The following STPG2 variants were observed in gnomAD, a reference collection of about 807,000 sequenced individuals.
The protein encoded by STPG2 is sperm tail PG-rich repeat containing 2.
Under a neutral mutation model 54.2 loss-of-function variants are expected in STPG2, and 56 were observed. The observed-to-expected ratio is 1.03, with a 90% CI of 0.83 to 1.29. The LOEUF (loss-of-function observed/expected upper bound fraction) is 1.29. STPG2 is among the 50% of genes most tolerant of loss of function. STPG2 has a pLI of 0.00. For missense variants in STPG2, 596 were observed against 544.9 expected, an observed-to-expected ratio of 1.09 and a Z score of -0.93; for synonymous variants, 200 against 181.8, an observed-to-expected ratio of 1.10 and a Z score of -0.81.
rs140265019 is a variant in STPG2, at chr4:97,746,756, G to A, written c.1205-33942C>T. 3.5e-3 allele frequency among the ~76,000 whole-genome samples: 534 copies of A among 151,344 alleles called. 4 individuals carry two copies. Among genetic ancestry groups the A allele is most frequent in the African/African-American group, 0.013 (524 of 41,474 alleles). On this transcript the variant is annotated intron_variant, in intron 9 of 10. Transcript: ENST00000295268. ...CTTTTCTTTACCTAAATATGGCAAA[G>A]GGAACAGCAGATTCAGCTCTCTGTG...
At chr4:97,566,254 A>T (rs1732437402) in intron 10 of STPG2, among the ~76,000 whole-genome samples, 1 of 152,116 alleles carries the variant, frequency 6.6e-6, no homozygotes, top group Non-Finnish European at 1.5e-5. Flanking sequence ...TGCGGGATAT[A>T]ATCTCCTGGT....
At chr4:97,551,919 C>G (rs1002789129) in intron 4 of STPG2, among the ~76,000 whole-genome samples, 3 of 151,946 alleles carry the variant, frequency 2.0e-5, no homozygotes, top group African/African-American at 7.3e-5. Flanking sequence ...ACACATAATG[C>G]AAAATTCAAT....
At chr4:97,891,632 A>G (rs2149175479) in intron 8 of STPG2, among the ~76,000 whole-genome samples, 1 of 152,236 alleles carries the variant, frequency 6.6e-6, no homozygotes. Flanking sequence ...CTGAAAGCCA[A>G]AAATATATCT....
At chr4:97,583,188 C>T (rs933001742) in intron 10 of STPG2, among the ~76,000 whole-genome samples, 1 of 151,922 alleles carries the variant, frequency 6.6e-6, no homozygotes, top group African/African-American at 2.4e-5. Flanking sequence ...AGATAAGTGT[C>T]CAGAACACTA....
At chr4:97,887,728 C>A (rs543504214) in intron 8 of STPG2, among the ~76,000 whole-genome samples, 1 of 152,048 alleles carries the variant, frequency 6.6e-6, no homozygotes, top group Non-Finnish European at 1.5e-5. Flanking sequence ...TTTGCATAAC[C>A]GAAAAGGATC....
intron 10 of STPG2, among the ~76,000 whole-genome samples, chr4:97,664,957 G>C (rs1468042371): frequency 6.6e-6 from 1 of 152,094 alleles, no homozygotes; most frequent in Admixed American, 6.5e-5. Flanking sequence ...AGGGAGGCTG[G>C]CTGCGGCAGG....
At chr4:97,754,042 A>G (rs2149047541) in intron 9 of STPG2, among the ~76,000 whole-genome samples, 1 of 152,202 alleles carries the variant, frequency 6.6e-6, no homozygotes. Context: ...AATCACTGCC[A>G]ATGCAATCAA....
chr4:98,029,936 A>G (rs945815885), intron 5 of STPG2, among the ~76,000 whole-genome samples: 2 of 152,132 alleles, frequency 1.3e-5, no homozygotes, highest in African/African-American at 4.8e-5. Flanking sequence ...AGAAAGACCT[A>G]CCAAGAGTTG....
At chr4:97,858,396 T>C (rs1210974175) in intron 8 of STPG2, among the ~76,000 whole-genome samples, 1 of 152,146 alleles carries the variant, frequency 6.6e-6, no homozygotes, top group Non-Finnish European at 1.5e-5. Flanking sequence ...TAGCATGACA[T>C]ATTATTATTT....
At chr4:97,707,217 G>T (rs780718985) in intron 10 of STPG2, among the ~76,000 whole-genome samples, 12 of 152,048 alleles carry the variant, frequency 7.9e-5, no homozygotes, top group Admixed American at 2.0e-4. Flanking sequence ...ATGTCTGAAG[G>T]CATTAACTAA....
intron 5 of STPG2, among the ~76,000 whole-genome samples, chr4:97,986,371 T>C (rs2149266360): frequency 6.6e-6 from 1 of 152,298 alleles, no homozygotes; most frequent in Non-Finnish European, 1.5e-5. Flanking sequence ...TTAGATACCT[T>C]CAGTTCCTCT....
chr4:97,581,985 T>C (rs1171535803), intron 10 of STPG2, among the ~76,000 whole-genome samples: 2 of 152,000 alleles, frequency 1.3e-5, no homozygotes, highest in Non-Finnish European at 2.9e-5. Context: ...CTGTTCCGAG[T>C]TTATAATTAT....
chr4:97,838,955 G>A (rs757740131), intron 9 of STPG2, among the ~76,000 whole-genome samples: 10 of 151,412 alleles, frequency 6.6e-5, no homozygotes, highest in Non-Finnish European at 1.3e-4. Context: ...CAAACTTCAT[G>A]AATTACTGGT....
intron 4 of STPG2, among the ~76,000 whole-genome samples, chr4:97,518,019 G>A (rs560013416): frequency 6.6e-6 from 1 of 152,204 alleles, no homozygotes; most frequent in East Asian, 1.9e-4. Flanking sequence ...CAAGGAGAAA[G>A]TTTTATAGCT....
intron 5 of STPG2, among the ~76,000 whole-genome samples, chr4:98,027,698 T>C (rs547129401): frequency 1.3e-5 from 2 of 152,200 alleles, no homozygotes; most frequent in Non-Finnish European, 2.9e-5. Flanking sequence ...GAAAACTCCA[T>C]TGAGTTTCAA....
chr4:97,779,001 C>A (rs962932664), intron 9 of STPG2, among the ~76,000 whole-genome samples: 3 of 152,048 alleles, frequency 2.0e-5, no homozygotes, highest in Non-Finnish European at 2.9e-5. Context: ...GTAGAAAAGC[C>A]GAAAATTCTA....
intron 10 of STPG2, among the ~76,000 whole-genome samples, chr4:97,638,127 T>G (rs948109350): frequency 3.3e-5 from 5 of 152,106 alleles, no homozygotes; most frequent in African/African-American, 7.2e-5. Context: ...AACAGCATGG[T>G]ACTGGTACCA....
chr4:97,869,464 T>C (rs867157299), intron 8 of STPG2, among the ~76,000 whole-genome samples: 2 of 151,734 alleles, frequency 1.3e-5, no homozygotes, highest in Admixed American at 1.3e-4. Flanking sequence ...TTTTGACATT[T>C]TCAGCATTTA....
At chr4:97,679,340 T>A (rs1722954131) in intron 10 of STPG2, among the ~76,000 whole-genome samples, 2 of 152,142 alleles carry the variant, frequency 1.3e-5, no homozygotes, top group African/African-American at 2.4e-5. Context: ...AGATGGTATC[T>A]CATTGTGGTT....
Sources: allele counts gnomAD v4.1 joint callset (sites outside exome capture counted in the v4.1 genomes callset), GRCh38; gene constraint gnomAD v4.1.1; transcripts MANE v1.5; gene names NCBI Gene and HGNC (gene_info 2026-07-23, HGNC 2026-07-21).